Variants in STX6 observed in about 807,000 individuals in gnomAD.
STX6 encodes syntaxin 6, also known as syntaxin-6.
A neutral mutation model predicts 38.0 loss-of-function variants in STX6; 23 were observed. That is an observed-to-expected ratio of 0.60 (90% CI 0.43 to 0.86). The LOEUF (loss-of-function observed/expected upper bound fraction) is 0.86, where lower values mean the gene tolerates loss of function less well. STX6 is among the 40% of genes least tolerant of loss of function. The probability of loss-of-function intolerance (pLI) is 0.00; values close to 1 mark genes in which losing one functional copy is unlikely to be tolerated. For synonymous variants in STX6, 123 were observed against 107.5 expected, an observed-to-expected ratio of 1.14 and a Z score of -0.89; for missense variants, 274 against 312.9, an observed-to-expected ratio of 0.88 and a Z score of 0.94.
intron 1 of STX6, among the ~76,000 whole-genome samples, chr1:181,005,808 C>T (rs1656207676): frequency 6.6e-6 from 1 of 152,158 alleles, no homozygotes; most frequent in Non-Finnish European, 1.5e-5. Context: ...TTCCCACATG[C>T]TTCCACTTGG....
chr1:181,004,662 T>C (rs1656175510), intron 2 of STX6, among the ~76,000 whole-genome samples: 1 of 152,254 alleles, frequency 6.6e-6, no homozygotes, highest in Non-Finnish European at 1.5e-5. Flanking sequence ...CTGTATCCTT[T>C]GTAATATCCT....
At chr1:180,995,347 T>C (rs1023775401) in intron 3 of STX6, among the ~76,000 whole-genome samples, 8 of 152,050 alleles carry the variant, frequency 5.3e-5, no homozygotes, top group South Asian at 2.1e-4. Context: ...ACAAGCCCCC[T>C]CCCCATCCCC....
Position 181,022,805 on chromosome 1 carries a change from C to T in STX6, c.-132G>A, listed in dbSNP as rs964612332. The T allele has an allele frequency of 4.7e-6, 4 of 850,954 alleles. No homozygotes were observed. The highest frequency in any genetic ancestry group is 1.6e-5 in the South Asian group (1 of 64,030). The allele number at this position is 850,954 out of a possible 1,614,324, so 52.7% of individuals were successfully genotyped here. On this transcript the variant is annotated 5_prime_UTR_variant, in exon 1 of 8. The change creates a new upstream start codon in the 5' untranslated region. Transcript: ENST00000258301. ...TCTGGGTGAAGCCGAGCAGCGGGCA[C>T]GCGCACAGGCCAGGTGCACAGGACG... is the stretch of plus-strand genomic sequence containing the variant.
In STX6 at chr1:180,976,503, C is replaced by G. The variant is rs1443103013; in HGVS notation, c.*67G>C. ...AATGTGAGTAGACGGCAATGTCACA[C>G]GTGCTCAGCTTCTCCTCCTCCCCTC... On this transcript the variant is annotated 3_prime_UTR_variant, in exon 8 of 8. Coordinates refer to ENST00000258301, the MANE Select transcript of STX6 (RefSeq NM_005819.6). 4 of 1,370,560 alleles carry G rather than the reference C, an allele frequency of 2.9e-6. No homozygotes were observed. In the African/African-American group the frequency reaches 4.3e-5, roughly 15 times the overall value. The allele number at this position is 1,370,560 out of a possible 1,614,324, so 84.9% of individuals were successfully genotyped here.
chr1:181,015,155 C>T (rs1358062582), intron 1 of STX6, among the ~76,000 whole-genome samples: 4 of 152,206 alleles, frequency 2.6e-5, no homozygotes, highest in Non-Finnish European at 5.9e-5. Context: ...CCTCTATGTG[C>T]TCATCAGCAT....
chr1:181,018,567 T>C (rs1315272381), intron 1 of STX6, among the ~76,000 whole-genome samples: 1 of 151,846 alleles, frequency 6.6e-6, no homozygotes, highest in Non-Finnish European at 1.5e-5. Context: ...TAAGTTTCAT[T>C]TTCCTTTTTG....
chr1:180,984,156 T>C (rs1655503342), intron 7 of STX6, among the ~76,000 whole-genome samples: 1 of 149,932 alleles, frequency 6.7e-6, no homozygotes, highest in Admixed American at 6.7e-5. Flanking sequence ...GCCTTAACTT[T>C]TCCCAAGTTA....
At chr1:181,020,544 A>G (rs1656696645) in intron 1 of STX6, among the ~76,000 whole-genome samples, 1 of 152,226 alleles carries the variant, frequency 6.6e-6, no homozygotes, top group African/African-American at 2.4e-5. Flanking sequence ...AGGAAATGAG[A>G]CCAGAAGCAG....
intron 2 of STX6, 109 bp from the exon 3 acceptor site, chr1:181,002,809 C>T (rs1050381556): frequency 8.4e-6 from 6 of 711,106 alleles, no homozygotes; most frequent in Non-Finnish European, 1.2e-5. Flanking sequence ...CTCAAACTTT[C>T]TGAAAACACA....
Position 181,019,051 on chromosome 1 carries a change from T to C in STX6, c.35+3588A>G, listed in dbSNP as rs138853049. ...TCTCATCTCTAAAATGTGGCTAGTA[T>C]TCATCATATGGGTGTTTTTACAGAG... On this transcript the variant is annotated intron_variant, in intron 1 of 7. Transcript: ENST00000258301. Among the ~76,000 whole-genome samples, 3 of 152,322 alleles carry C rather than the reference T, an allele frequency of 2.0e-5. No individual in the cohort carries two copies. In the East Asian group the frequency reaches 5.8e-4, roughly 29 times the overall value.
At chr1:181,004,589 G>A (rs1406432713) in intron 2 of STX6, among the ~76,000 whole-genome samples, 1 of 152,208 alleles carries the variant, frequency 6.6e-6, no homozygotes, top group Non-Finnish European at 1.5e-5. Context: ...CCTGAAGAGG[G>A]CCTGGAAGTG....
At chr1:180,988,017 G>A (rs957531819) in intron 6 of STX6, 7 of 403,414 alleles carry the variant, frequency 1.7e-5, no homozygotes, top group Non-Finnish European at 2.7e-5. Flanking sequence ...TTTTGGAGGT[G>A]TTTAAAAATA....
At chr1:180,993,606 T>C (rs1371245061) in intron 3 of STX6, among the ~76,000 whole-genome samples, 181 bp from the exon 4 acceptor site, 1 of 152,148 alleles carries the variant, frequency 6.6e-6, no homozygotes, top group Non-Finnish European at 1.5e-5. Flanking sequence ...AGATGGTCCC[T>C]TAAAAAGAAG....
Position 180,972,801 on chromosome 1 carries a change from G to A in STX6, c.*3769C>T, listed in dbSNP as rs867345942. 5.7e-6 allele frequency: 2 copies of A among 349,966 alleles called. No homozygotes were observed. The highest frequency in any genetic ancestry group is 2.1e-5 in the African/African-American group (1 of 46,524). The allele number at this position is 349,966 out of a possible 1,614,324, so 21.7% of individuals were successfully genotyped here. ...TTGTCCTGAGTAACAGTATCTCTAA[G>A]CTGAGTTACTCTGATCGGAGCTACT... On this transcript the variant is annotated 3_prime_UTR_variant, in exon 8 of 8. Transcript: ENST00000258301.
At chr1:181,000,018 C>T (rs2102317428) in intron 3 of STX6, among the ~76,000 whole-genome samples, 1 of 152,276 alleles carries the variant, frequency 6.6e-6, no homozygotes, top group South Asian at 2.1e-4. Context: ...TTGCTATTTC[C>T]TCCTCTTCTA....
intron 1 of STX6, among the ~76,000 whole-genome samples, chr1:181,018,903 C>T (rs1656647152): frequency 6.6e-6 from 1 of 152,180 alleles, no homozygotes; most frequent in Non-Finnish European, 1.5e-5. Context: ...CCTATTTTAC[C>T]TGCACTGGGA....
At chr1:180,983,320 G>A (rs1655467461) in intron 7 of STX6, among the ~76,000 whole-genome samples, 1 of 152,196 alleles carries the variant, frequency 6.6e-6, no homozygotes, top group Admixed American at 6.5e-5. Context: ...AAGGTGTCAA[G>A]AAACAGGGCA....
intron 1 of STX6, among the ~76,000 whole-genome samples, chr1:181,019,365 A>AC (rs1258447791): frequency 6.6e-6 from 1 of 152,102 alleles, no homozygotes; most frequent in African/African-American, 2.4e-5. Context: ...AAAAAAAAAA[A>AC]AAAACAGTCC....
intron 3 of STX6, among the ~76,000 whole-genome samples, chr1:180,996,287 C>A (rs749146828): frequency 1.3e-5 from 2 of 152,094 alleles, no homozygotes; most frequent in African/African-American, 4.8e-5. Flanking sequence ...AATAAGGGAA[C>A]AGCAACACAA....
Sources: gnomAD v4.1 joint callset for allele counts (sites outside exome capture counted in the v4.1 genomes callset) on GRCh38, gnomAD v4.1.1 for gene constraint, MANE v1.5 for transcripts, NCBI Gene and HGNC (gene_info 2026-07-23, HGNC 2026-07-21) for gene names.